Variants in BUB1 observed in about 807,000 individuals in gnomAD.
BUB1 encodes mitotic checkpoint serine/threonine-protein kinase BUB1.
BUB1 carries 84 observed loss-of-function variants against 135.2 expected under a neutral mutation model. That is an observed-to-expected ratio of 0.62 (90% CI 0.52 to 0.74). The LOEUF (loss-of-function observed/expected upper bound fraction) is 0.74, where lower values mean the gene tolerates loss of function less well. Ranked by LOEUF, BUB1 falls within the 30% of genes least tolerant of loss-of-function variation. BUB1 has a pLI of 0.00. For synonymous variants in BUB1, 403 were observed against 434.4 expected (o/e 0.93, Z 0.90); for missense variants, 1,162 against 1,288.3 (o/e 0.90, Z 1.50).
At chr2:110,644,000 A>G (rs2104517815) in intron 19 of BUB1, among the ~76,000 whole-genome samples, 1 of 145,602 alleles carries the variant, frequency 6.9e-6, no homozygotes, top group East Asian at 2.0e-4. Flanking sequence ...TATACATGGC[A>G]GGGAAAAGAA....
chr2:110,675,092 T>C (rs181857497), intron 1 of BUB1: 1 of 152,358 alleles, frequency 6.6e-6, no homozygotes, highest in Non-Finnish European at 1.5e-5. Flanking sequence ...ATGATAACAG[T>C]GCTCAGAAAT....
intron 19 of BUB1, among the ~76,000 whole-genome samples, chr2:110,647,369 A>AAAAGAATTATACACTATAACAACC (rs1171444638): frequency 6.6e-6 from 1 of 152,212 alleles, no homozygotes; most frequent in Non-Finnish European, 1.5e-5. Flanking sequence ...ACAATGTAGA[A>AAAAGAATTATACACTATAACAACC]AAAGAATTAT....
At chr2:110,659,886 C>T in intron 11 of BUB1, 92 bp downstream of exon 11, 1 of 1,030,440 alleles carries the variant, frequency 9.7e-7, no homozygotes, top group Non-Finnish European at 1.5e-6. Context: ...TCATTAAGGC[C>T]TGAAGCCTTC....
At chr2:110,643,171 T>G (rs892865084) in intron 19 of BUB1, among the ~76,000 whole-genome samples, 1 of 152,160 alleles carries the variant, frequency 6.6e-6, no homozygotes, top group Non-Finnish European at 1.5e-5. Flanking sequence ...ATTAGAGAAC[T>G]GAGGTCAAAG....
chr2:110,664,045 A>AG (rs1388121766), intron 9 of BUB1, among the ~76,000 whole-genome samples: 1 of 151,192 alleles, frequency 6.6e-6, no homozygotes, highest in African/African-American at 2.4e-5. Context: ...AAAAAAAAAA[A>AG]GAATTTAATA....
At chr2:110,645,810 C>T (rs1405527573) in intron 19 of BUB1, among the ~76,000 whole-genome samples, 1 of 152,020 alleles carries the variant, frequency 6.6e-6, no homozygotes, top group Non-Finnish European at 1.5e-5. Context: ...TCAGCTGATC[C>T]TATTGCCTTG....
rs1314870669 is a variant in BUB1 at position 110,649,297 on chromosome 2, G to A, written c.2284C>T (p.Pro762Ser). 1 of 1,612,286 alleles carries A rather than the reference G, an allele frequency of 6.2e-7. No individual in the cohort carries two copies. The highest frequency in any genetic ancestry group is 8.5e-7 in the Non-Finnish European group (1 of 1,179,172). The change falls in exon 19 of 25, where the codon CCA becomes TCA. Residue 762 changes from proline (P) to serine (S), a missense_variant. Pro to Ser is a moderately conservative substitution (Grantham distance 74, BLOSUM62 -1). Coordinates refer to ENST00000302759, the MANE Select transcript of BUB1 (RefSeq NM_004336.5). ...SGLSKPVSSY[P>S]NTFEWQCKLP... ...TTACATTGCCATTCAAAAGTATTTG[G>A]ATAGGAACTCACTGGTTTAGAAAGC...
chr2:110,652,087 CAG>C lies in BUB1; in HGVS notation c.1965-1305_1965-1304del, dbSNP rs1490224221. 5.3e-5 allele frequency among the ~76,000 whole-genome samples: 8 copies of C among 151,898 alleles called. No homozygotes were observed. The East Asian group carries it at 1.5e-3, about 29-fold the overall frequency. On this transcript the variant is annotated intron_variant, in intron 17 of 24. Coordinates refer to ENST00000302759, the MANE Select transcript of BUB1 (RefSeq NM_004336.5). ...ACACACACACACACACACACACACA[CAG>C]TATACAGTTGATCCTTATTATTAAT...
chr2:110,641,448 T>C lies in BUB1; in HGVS notation c.2642A>G (p.Tyr881Cys). ...YGTLLNAINLYKNTPEKVMPQ... is the reference protein window; with the variant it reads ...YGTLLNAINLCKNTPEKVMPQ... Reference sequence around the variant, plus strand: ...CATCACTTTTTCAGGGGTATTTTTATAGAGGTTAATGGCATTCTAGGAACA... The same window carrying C: ...CATCACTTTTTCAGGGGTATTTTTACAGAGGTTAATGGCATTCTAGGAACA... The change falls in exon 22 of 25, where the codon TAT becomes TGT. Residue 881 changes from tyrosine (Y) to cysteine (C), a missense_variant. Transcript: ENST00000302759. 1 of 1,612,256 alleles carries C rather than the reference T, an allele frequency of 6.2e-7. No homozygotes were observed. Among genetic ancestry groups the C allele is most frequent in the Non-Finnish European group, 8.5e-7 (1 of 1,179,528 alleles).
Position 110,637,648 on chromosome 2 carries a change from G to T in BUB1, c.*316C>A. On this transcript the variant is annotated 3_prime_UTR_variant, in exon 25 of 25. Coordinates refer to ENST00000302759, the MANE Select transcript of BUB1 (RefSeq NM_004336.5). Reference sequence around the variant, plus strand: ...TACACAGACACCAAACTTCAAATTTGGAAAATAGCTGTCTTGGCCCTTTTT... The same window carrying T: ...TACACAGACACCAAACTTCAAATTTTGAAAATAGCTGTCTTGGCCCTTTTT... 6.0e-5 allele frequency: 10 copies of T among 167,262 alleles called. No individual in the cohort carries two copies. The highest frequency in any genetic ancestry group is 1.6e-4 in the East Asian group (1 of 6,194). 10.4% of individuals were successfully genotyped at this position (167,262 alleles called of 1,614,324 possible).
chr2:110,669,601 G>C (rs371980630), intron 5 of BUB1, 48 bp from the exon 6 acceptor site: 2 of 1,247,618 alleles, frequency 1.6e-6, no homozygotes, highest in Non-Finnish European at 2.3e-6. Flanking sequence ...GGGTAAAACC[G>C]TAAGTAAAAT....
intron 14 of BUB1, 95 bp from the exon 15 acceptor site, chr2:110,657,212 T>A (rs1393874490): frequency 2.0e-6 from 2 of 976,316 alleles, no homozygotes; most frequent in Non-Finnish European, 3.0e-6. Context: ...CTTATCCTAT[T>A]TAATGAGTTA....
intron 19 of BUB1, among the ~76,000 whole-genome samples, chr2:110,645,441 CAA>C (rs764953204): frequency 4.6e-5 from 5 of 108,160 alleles, no homozygotes; most frequent in African/African-American, 3.5e-5. Context: ...GACTCCTTCT[CAA>C]AAAAAAAAAA....
intron 14 of BUB1, 102 bp downstream of exon 14, chr2:110,657,444 G>A (rs1420370800): frequency 1.2e-6 from 1 of 811,792 alleles, no homozygotes; most frequent in East Asian, 2.9e-5. Flanking sequence ...AGGCTCATTT[G>A]ACCATGTGAT....
intron 10 of BUB1, among the ~76,000 whole-genome samples, chr2:110,660,387 A>C (rs111609594): frequency 0.02 from 3,033 of 152,292 alleles, 105 homozygotes; most frequent in African/African-American, 0.07. Flanking sequence ...AAAACAAAAA[A>C]AAAACAAAAC....
Position 110,639,633 on chromosome 2 carries a change from T to A in BUB1, c.3062+109A>T, listed in dbSNP as rs955905899. The A allele has an allele frequency of 1.5e-5, 13 of 893,494 alleles. No individual in the cohort carries two copies. The South Asian group carries it at 2.0e-4, about 14-fold the overall frequency. The allele number at this position is 893,494 out of a possible 1,614,324, so 55.3% of individuals were successfully genotyped here. A position where few individuals can be genotyped will look rare whatever the true frequency, so the allele number is the denominator to read the frequency against. On this transcript the variant is annotated intron_variant, in intron 24 of 24. Transcript: ENST00000302759. ...TCCTGTCACCATATTGCCCAAGGCA[T>A]AGGATTTCCATGCGGTGGCAGAGAT...
intron 3 of BUB1, 82 bp downstream of exon 3, chr2:110,674,004 T>A: frequency 8.6e-7 from 1 of 1,158,274 alleles, no homozygotes; most frequent in Non-Finnish European, 1.2e-6. Flanking sequence ...ATTAAAAGCC[T>A]AAAATGATCT....
chr2:110,639,935 TA>T (rs1010767925), intron 23 of BUB1, 87 bp from the exon 24 acceptor site: 2 of 1,078,878 alleles, frequency 1.9e-6, no homozygotes, highest in African/African-American at 3.1e-5. Context: ...GGCAGCAAGT[TA>T]AATACTCACA....
chr2:110,674,575 A>C (rs1015463574), intron 1 of BUB1, among the ~76,000 whole-genome samples: 1 of 152,248 alleles, frequency 6.6e-6, no homozygotes, highest in Non-Finnish European at 1.5e-5. Flanking sequence ...ATTCGCTCAG[A>C]CATAGTCAGA....
Sources: allele counts gnomAD v4.1 joint callset (sites outside exome capture counted in the v4.1 genomes callset), GRCh38; gene constraint gnomAD v4.1.1; transcripts MANE v1.5; gene names NCBI Gene and HGNC (gene_info 2026-07-23, HGNC 2026-07-21).